The following MECOM variants were observed in gnomAD, a reference collection of about 807,000 sequenced individuals.
MECOM encodes the protein histone-lysine N-methyltransferase MECOM.
In MECOM, 13 loss-of-function variants were observed where a neutral mutation model predicts 116.3. The observed-to-expected ratio is 0.11, with a 90% CI of 0.07 to 0.18. The LOEUF (loss-of-function observed/expected upper bound fraction) is 0.18. MECOM is among the 10% of genes least tolerant of loss of function. MECOM has a pLI of 1.00. For synonymous variants in MECOM, 528 were observed against 535.2 expected, an observed-to-expected ratio of 0.99 and a Z score of 0.19; for missense variants, 1,299 against 1,509.0, an observed-to-expected ratio of 0.86 and a Z score of 2.31.
At chr3:169,235,831 C>T (rs1052492508) in intron 2 of MECOM, among the ~76,000 whole-genome samples, 2 of 150,748 alleles carry the variant, frequency 1.3e-5, no homozygotes, top group Non-Finnish European at 2.9e-5. Context: ...TAATTACTAT[C>T]TCCCAAATCA....
At chr3:169,091,373 CCTT>C (rs764053464) in intron 14 of MECOM, among the ~76,000 whole-genome samples, 6 of 152,064 alleles carry the variant, frequency 3.9e-5, no homozygotes, top group Admixed American at 6.6e-5. Flanking sequence ...GATGACTCAA[CCTT>C]CTTATTTCTG....
chr3:169,122,895 A>G (rs923287925), intron 5 of MECOM, among the ~76,000 whole-genome samples, 168 bp from the exon 6 acceptor site: 1 of 152,110 alleles, frequency 6.6e-6, no homozygotes, highest in Non-Finnish European at 1.5e-5. Context: ...TGCATTTTAT[A>G]TTTCCTGGAC....
In MECOM at chr3:169,663,471, C is replaced by G. The variant is rs1776590600; in HGVS notation, c.-99G>C. ...TCCCTCTCGCTCCCTCCCTCTCTCT[C>G]CTGTCTCTCTCTCTCTCTCTCTCTC... On this transcript the variant is annotated 5_prime_UTR_variant, in exon 1 of 17. Coordinates refer to ENST00000651503, the MANE Select transcript of MECOM (RefSeq NM_004991.4). The G allele has an allele frequency of 3.9e-6, 4 of 1,034,250 alleles. No homozygotes were observed. The highest frequency in any genetic ancestry group is 2.2e-5 in the African/African-American group (1 of 44,758). The allele number at this position is 1,034,250 out of a possible 1,614,324, so 64.1% of individuals were successfully genotyped here. A position where few individuals can be genotyped will look rare whatever the true frequency, so the allele number is the denominator to read the frequency against.
intron 2 of MECOM, among the ~76,000 whole-genome samples, chr3:169,318,991 C>T (rs533887179): frequency 1.2e-4 from 18 of 151,494 alleles, no homozygotes; most frequent in African/African-American, 2.7e-4. Flanking sequence ...CCCAGCTACT[C>T]GGGAGGTGAG....
At chr3:169,458,411 G>A (rs1235807674) in intron 1 of MECOM, among the ~76,000 whole-genome samples, 1 of 152,148 alleles carries the variant, frequency 6.6e-6, no homozygotes, top group Admixed American at 6.5e-5. Context: ...GTCAGCAGAT[G>A]CCACTTATCC....
chr3:169,125,049 A>C (rs1252831425), intron 5 of MECOM, among the ~76,000 whole-genome samples: 1 of 152,088 alleles, frequency 6.6e-6, no homozygotes, highest in Non-Finnish European at 1.5e-5. Context: ...TCCTCCCCAC[A>C]ACTCTATTCG....
intron 1 of MECOM, among the ~76,000 whole-genome samples, chr3:169,506,517 C>T (rs1267622045): frequency 6.6e-6 from 1 of 151,740 alleles, no homozygotes; most frequent in Non-Finnish European, 1.5e-5. Flanking sequence ...ACAGACTGTG[C>T]ATTTAATTAC....
intron 2 of MECOM, among the ~76,000 whole-genome samples, chr3:169,338,208 A>C (rs2149786220): frequency 6.6e-6 from 1 of 152,142 alleles, no homozygotes; most frequent in South Asian, 2.1e-4. Context: ...CTCAGTTCCT[A>C]CCTCCCCTCC....
chr3:169,233,082 C>A (rs1369599081), intron 2 of MECOM, among the ~76,000 whole-genome samples: 1 of 151,962 alleles, frequency 6.6e-6, no homozygotes, highest in Non-Finnish European at 1.5e-5. Context: ...ATTAGAAATG[C>A]CAAGTCATTT....
chr3:169,492,341 T>C (rs1753203036), intron 1 of MECOM, among the ~76,000 whole-genome samples: 1 of 152,212 alleles, frequency 6.6e-6, no homozygotes, highest in African/African-American at 2.4e-5. Context: ...GTTGAATAAA[T>C]GGATCACTTT....
chr3:169,248,891 G>A (rs994447497), intron 2 of MECOM, among the ~76,000 whole-genome samples: 4 of 152,042 alleles, frequency 2.6e-5, no homozygotes, highest in East Asian at 1.9e-4. Context: ...TCTGGGCCCC[G>A]GAATTGTAAG....
intron 2 of MECOM, among the ~76,000 whole-genome samples, chr3:169,186,350 A>T: frequency 2.4e-5 from 1 of 42,278 alleles, no homozygotes; most frequent in Non-Finnish European, 4.3e-5. Context: ...GGAGGGAAGG[A>T]AGGAAGGAAG....
intron 1 of MECOM, among the ~76,000 whole-genome samples, chr3:169,497,327 A>G (rs1753931308): frequency 6.6e-6 from 1 of 150,888 alleles, no homozygotes; most frequent in African/African-American, 2.4e-5. Context: ...CTAATTCTTC[A>G]ATTTTTCTCT....
At chr3:169,413,491 T>TCA (rs1491509908) in intron 1 of MECOM, among the ~76,000 whole-genome samples, 1 of 42,264 alleles carries the variant, frequency 2.4e-5, no homozygotes, top group Admixed American at 1.4e-4. Flanking sequence ...TTTTTTTTTA[T>TCA]TTTTTTTTTT....
chr3:169,484,020 C>G (rs1225089662), intron 1 of MECOM: 4 of 1,558,544 alleles, frequency 2.6e-6, no homozygotes, highest in Non-Finnish European at 3.5e-6. Context: ...TTTTTGCCCC[C>G]AAAACCATTG....
chr3:169,579,857 C>T (rs747012298), intron 1 of MECOM, among the ~76,000 whole-genome samples: 15 of 152,290 alleles, frequency 9.8e-5, no homozygotes, highest in Non-Finnish European at 2.1e-4. Flanking sequence ...CAAAAGAATG[C>T]CATGCAACAT....
chr3:169,284,660 C>T (rs990098810), intron 2 of MECOM, among the ~76,000 whole-genome samples: 1 of 151,760 alleles, frequency 6.6e-6, no homozygotes, highest in Non-Finnish European at 1.5e-5. Context: ...GTGCTGCTCA[C>T]AAAAGTTGTA....
At chr3:169,222,688 G>A (rs1752272348) in intron 2 of MECOM, among the ~76,000 whole-genome samples, 1 of 152,186 alleles carries the variant, frequency 6.6e-6, no homozygotes, top group Non-Finnish European at 1.5e-5. Context: ...GCAGCAAAGG[G>A]CCAGAGGTAC....
At chr3:169,340,912 G>A (rs1724391308) in intron 2 of MECOM, among the ~76,000 whole-genome samples, 2 of 152,154 alleles carry the variant, frequency 1.3e-5, no homozygotes, top group Admixed American at 6.5e-5. Context: ...GATATGAGCT[G>A]TGTCTACATG....
Sources: gnomAD v4.1 joint callset for allele counts (sites outside exome capture counted in the v4.1 genomes callset) on GRCh38, gnomAD v4.1.1 for gene constraint, MANE v1.5 for transcripts, NCBI Gene and HGNC (gene_info 2026-07-23, HGNC 2026-07-21) for gene names.